Variants in NCAM2 observed in about 807,000 individuals in gnomAD.
NCAM2 encodes N-CAM-2.
In NCAM2, 30 loss-of-function variants were observed where a neutral mutation model predicts 98.1. That is an observed-to-expected ratio of 0.31 (90% CI 0.23 to 0.41). The LOEUF (loss-of-function observed/expected upper bound fraction) is 0.41. Ranked by LOEUF, NCAM2 falls within the 10% of genes least tolerant of loss-of-function variation. The pLI is 1.00. For missense variants in NCAM2, 867 were observed against 1,005.8 expected (o/e 0.86, Z 1.87); for synonymous variants, 368 against 342.4 (o/e 1.07, Z -0.83).
At chr21:21,316,096 G>T (rs1158721221) in intron 5 of NCAM2, among the ~76,000 whole-genome samples, 2 of 152,026 alleles carry the variant, frequency 1.3e-5, no homozygotes, top group Non-Finnish European at 2.9e-5. Context: ...CACACTTTAG[G>T]ATTCTTACTG....
intron 8 of NCAM2, among the ~76,000 whole-genome samples, chr21:21,367,099 G>T (rs1402691771): frequency 6.6e-6 from 1 of 151,906 alleles, no homozygotes; most frequent in African/African-American, 2.4e-5. Flanking sequence ...ATTTTTAAAA[G>T]GAAGAGCTTC....
intron 1 of NCAM2, among the ~76,000 whole-genome samples, chr21:21,037,529 G>C (rs2064823139): frequency 6.6e-6 from 1 of 152,122 alleles, no homozygotes; most frequent in Non-Finnish European, 1.5e-5. Context: ...GTTTCAGTTT[G>C]ATATAATTCT....
chr21:21,465,207 C>T (rs1220098772), intron 12 of NCAM2, among the ~76,000 whole-genome samples: 4 of 151,648 alleles, frequency 2.6e-5, no homozygotes, highest in Non-Finnish European at 5.9e-5. Context: ...TATATTTTTT[C>T]TTTTAATTTT....
intron 9 of NCAM2, among the ~76,000 whole-genome samples, chr21:21,403,437 A>G (rs996719834): frequency 2.0e-5 from 3 of 152,170 alleles, no homozygotes; most frequent in Non-Finnish European, 4.4e-5. Flanking sequence ...TTGCCCTCCC[A>G]GAGCTGCAGA....
chr21:21,113,812 C>A, intron 1 of NCAM2, among the ~76,000 whole-genome samples: 1 of 151,928 alleles, frequency 6.6e-6, no homozygotes, highest in East Asian at 1.9e-4. Flanking sequence ...AGCAATGCCT[C>A]TTTTTTTTGA....
intron 17 of NCAM2, among the ~76,000 whole-genome samples, chr21:21,537,150 G>A (rs961547251): frequency 6.6e-6 from 1 of 151,950 alleles, no homozygotes; most frequent in Non-Finnish European, 1.5e-5. Context: ...CCAGGCTGAA[G>A]TGCAGTGGCA....
At chr21:21,165,742 T>G (rs2067931351) in intron 1 of NCAM2, among the ~76,000 whole-genome samples, 1 of 152,232 alleles carries the variant, frequency 6.6e-6, no homozygotes. Context: ...ACATTTATAT[T>G]TAATCACAGA....
chr21:21,528,867 A>G (rs1311496440), intron 16 of NCAM2, among the ~76,000 whole-genome samples: 2 of 152,266 alleles, frequency 1.3e-5, no homozygotes, highest in East Asian at 1.9e-4. Flanking sequence ...AAGTGAATAT[A>G]CAGAATAAAA....
At chr21:21,122,001 C>G (rs186311264) in intron 1 of NCAM2, among the ~76,000 whole-genome samples, 2 of 152,148 alleles carry the variant, frequency 1.3e-5, no homozygotes, top group East Asian at 3.9e-4. Flanking sequence ...TATGAGCTTC[C>G]GAATGAGCAG....
chr21:21,319,832 AC>A (rs1165048047), intron 5 of NCAM2, among the ~76,000 whole-genome samples: 1 of 152,230 alleles, frequency 6.6e-6, no homozygotes, highest in African/African-American at 2.4e-5. Flanking sequence ...TGAAAATGCA[AC>A]AAAGCATCAG....
At chr21:21,294,533 G>T (rs533452735) in intron 5 of NCAM2, among the ~76,000 whole-genome samples, 1 of 151,730 alleles carries the variant, frequency 6.6e-6, no homozygotes, top group South Asian at 2.1e-4. Flanking sequence ...ATCTTTGCTC[G>T]GACATTGATA....
chr21:21,048,963 G>A (rs1329688795), intron 1 of NCAM2, among the ~76,000 whole-genome samples: 1 of 150,862 alleles, frequency 6.6e-6, no homozygotes, highest in Non-Finnish European at 1.5e-5. Flanking sequence ...AAAACAAAAA[G>A]TATTAGGAAA....
intron 12 of NCAM2, among the ~76,000 whole-genome samples, chr21:21,464,310 G>A (rs1983390218): frequency 6.6e-6 from 1 of 152,058 alleles, no homozygotes; most frequent in East Asian, 1.9e-4. Context: ...CCTTAGGACA[G>A]CCAATATGAT....
At chr21:21,357,923 A>C (rs1227340800) in intron 8 of NCAM2, among the ~76,000 whole-genome samples, 1 of 152,170 alleles carries the variant, frequency 6.6e-6, no homozygotes. Context: ...GTTTGTTCAG[A>C]TATTTTAGTC....
In NCAM2 at chr21:21,479,583, C is replaced by CAAAAAAAAAAAAAAAAAAA. The variant is rs1156588500; in HGVS notation, c.2077+2119_2077+2137dup. ...TGGGAGACAGAGCGAGACTGCGTCT[C>CAAAAAAAAAAAAAAAAAAA]AAAAAAAAAAAAAAAAAAAAAAAAA... is the stretch of plus-strand genomic sequence containing the variant. On this transcript the variant is annotated intron_variant, in intron 15 of 17. Transcript: ENST00000400546. Among the ~76,000 whole-genome samples, 46 of 30,960 alleles carry CAAAAAAAAAAAAAAAAAAA rather than the reference C, an allele frequency of 1.5e-3. 5 individuals carry two copies. The highest frequency in any genetic ancestry group is 2.2e-3 in the Non-Finnish European group (33 of 14,880). 20.3% of individuals were successfully genotyped at this position (30,960 alleles called of 152,430 possible).
chr21:21,125,350 G>GATAATATTTTACATATATATGTAATAT (rs56919674), intron 1 of NCAM2, among the ~76,000 whole-genome samples: 534 of 6,572 alleles, frequency 0.081, 165 homozygotes, highest in African/African-American at 0.15. Flanking sequence ...AGGGTGGGGA[G>GATAATATTTTACATATATATGTAATAT]ATAATATTTT....
chr21:21,228,529 G>A (rs2070484704), intron 1 of NCAM2, among the ~76,000 whole-genome samples: 1 of 151,156 alleles, frequency 6.6e-6, no homozygotes, highest in Non-Finnish European at 1.5e-5. Flanking sequence ...GAGGAATGAA[G>A]TACCTCTTCA....
chr21:21,354,857 C>T, intron 8 of NCAM2, among the ~76,000 whole-genome samples: 1 of 151,990 alleles, frequency 6.6e-6, no homozygotes, highest in Non-Finnish European at 1.5e-5. Flanking sequence ...TAGGATGAGA[C>T]CAATAAACTG....
chr21:21,470,798 A>G (rs1204635862), intron 14 of NCAM2, among the ~76,000 whole-genome samples: 1 of 152,036 alleles, frequency 6.6e-6, no homozygotes, highest in Non-Finnish European at 1.5e-5. Flanking sequence ...CTGATAATCA[A>G]TCAATTACTA....
Sources: allele counts gnomAD v4.1 joint callset (sites outside exome capture counted in the v4.1 genomes callset), GRCh38; gene constraint gnomAD v4.1.1; transcripts MANE v1.5; gene names NCBI Gene and HGNC (gene_info 2026-07-23, HGNC 2026-07-21).